The following SYT1 variants were observed in gnomAD, a reference collection of about 807,000 sequenced individuals.
SYT1 encodes the protein synaptotagmin-1.
A neutral mutation model predicts 44.8 loss-of-function variants in SYT1; 8 were observed. The ratio of observed to expected loss-of-function variants is 0.18; its 90% CI spans 0.10 to 0.32. The LOEUF (loss-of-function observed/expected upper bound fraction) is 0.32. SYT1 is among the 10% of genes least tolerant of loss of function. The pLI, the probability that SYT1 is intolerant of heterozygous loss-of-function variation, is 1.00. For missense variants in SYT1, 286 were observed against 509.3 expected, an observed-to-expected ratio of 0.56 and a Z score of 4.22; for synonymous variants, 154 against 188.8, an observed-to-expected ratio of 0.82 and a Z score of 1.51.
In SYT1 at chr12:79,446,015, A is replaced by ATATATATG. The variant is rs1870702728; in HGVS notation, c.1062+1816_1062+1817insGTATATAT. Among the ~76,000 whole-genome samples the ATATATATG allele has an allele frequency of 3.4e-4, 39 of 113,584 alleles. 2 individuals are homozygous for ATATATATG. Among genetic ancestry groups the ATATATATG allele is most frequent in the Admixed American group, 6.5e-4 (7 of 10,732 alleles). The allele number at this position is 113,584 out of a possible 152,430, so 74.5% of individuals were successfully genotyped here. On this transcript the variant is annotated intron_variant, in intron 10 of 10. Coordinates refer to ENST00000261205, the MANE Select transcript of SYT1 (RefSeq NM_005639.3). Reference sequence around the variant, plus strand: ...CATATATATATATATATATATATATATATATATATATATATATATTATGCC... The same window carrying ATATATATG: ...CATATATATATATATATATATATATATATATATGTATATATATATATATATATTATGCC...
At chr12:78,939,728 A>T (rs938562434) in intron 1 of SYT1, among the ~76,000 whole-genome samples, 1 of 152,180 alleles carries the variant, frequency 6.6e-6, no homozygotes, top group East Asian at 1.9e-4. Flanking sequence ...CCAGTGTTCA[A>T]AAAGAGATTA....
At chr12:79,172,730 G>A (rs1369942896) in intron 3 of SYT1, among the ~76,000 whole-genome samples, 1 of 151,484 alleles carries the variant, frequency 6.6e-6, no homozygotes, top group Non-Finnish European at 1.5e-5. Context: ...TTTTGATTAT[G>A]AAACTTCTAT....
At chr12:78,950,275 T>A (rs951549187) in intron 1 of SYT1, among the ~76,000 whole-genome samples, 5 of 152,080 alleles carry the variant, frequency 3.3e-5, no homozygotes, top group Admixed American at 6.6e-5. Flanking sequence ...GTCACTACAG[T>A]GTTTAATTAA....
At chr12:78,973,160 C>CA (rs1398545554) in intron 1 of SYT1, among the ~76,000 whole-genome samples, 1 of 152,104 alleles carries the variant, frequency 6.6e-6, no homozygotes, top group Non-Finnish European at 1.5e-5. Context: ...TATGTATTTA[C>CA]ATGCACAACA....
intron 2 of SYT1, among the ~76,000 whole-genome samples, chr12:79,004,243 A>T (rs1870934103): frequency 6.6e-6 from 1 of 151,966 alleles, no homozygotes; most frequent in Admixed American, 6.6e-5. Context: ...CTATATTATT[A>T]TTAAAAACAA....
At chr12:79,122,559 GA>G (rs1259020307) in intron 3 of SYT1, among the ~76,000 whole-genome samples, 1 of 139,038 alleles carries the variant, frequency 7.2e-6, no homozygotes, top group Non-Finnish European at 1.6e-5. Flanking sequence ...AAATGCACAT[GA>G]ACATTTAACT....
chr12:78,978,077 A>C (rs538554989), intron 2 of SYT1, 146 bp downstream of exon 2: 2 of 152,336 alleles, frequency 1.3e-5, no homozygotes, highest in African/African-American at 4.8e-5. Flanking sequence ...CTCTTTAAAA[A>C]TTCTTGTGAT....
intron 3 of SYT1, among the ~76,000 whole-genome samples, chr12:79,109,281 A>G (rs1483847597): frequency 6.6e-6 from 1 of 152,190 alleles, no homozygotes; most frequent in African/African-American, 2.4e-5. Context: ...GAACTTTATC[A>G]TATGCCGGAT....
intron 1 of SYT1, among the ~76,000 whole-genome samples, chr12:78,931,921 A>G (rs1190700302): frequency 6.6e-6 from 1 of 152,190 alleles, no homozygotes; most frequent in Admixed American, 6.5e-5. Flanking sequence ...CCATCTATAT[A>G]TGAATAGTTA....
At chr12:79,159,491 G>A (rs1870814233) in intron 3 of SYT1, among the ~76,000 whole-genome samples, 1 of 152,100 alleles carries the variant, frequency 6.6e-6, no homozygotes, top group South Asian at 2.1e-4. Context: ...CAGAGAGATA[G>A]ACCATGTTCA....
At chr12:79,334,853 G>T (rs1254691499) in intron 8 of SYT1, among the ~76,000 whole-genome samples, 1 of 152,084 alleles carries the variant, frequency 6.6e-6, no homozygotes, top group Non-Finnish European at 1.5e-5. Flanking sequence ...AAGAGGTCAG[G>T]TTATGTTTAA....
chr12:79,146,868 TC>T (rs1309087860), intron 3 of SYT1, among the ~76,000 whole-genome samples: 1 of 151,862 alleles, frequency 6.6e-6, no homozygotes, highest in Non-Finnish European at 1.5e-5. Context: ...TGAGATGGAG[TC>T]TCACTCTGTC....
At chr12:79,403,052 A>G (rs768686039) in intron 9 of SYT1, among the ~76,000 whole-genome samples, 3 of 152,248 alleles carry the variant, frequency 2.0e-5, no homozygotes, top group Non-Finnish European at 2.9e-5. Context: ...TATCTAATAC[A>G]TCTGAATAAA....
intron 1 of SYT1, among the ~76,000 whole-genome samples, chr12:78,972,066 G>T (rs61928066): frequency 0.072 from 10,925 of 152,056 alleles, 435 homozygotes; most frequent in African/African-American, 0.1. Flanking sequence ...AATACAATTT[G>T]TAATCATTTA....
intron 1 of SYT1, among the ~76,000 whole-genome samples, chr12:78,875,374 A>G (rs1430536180): frequency 6.6e-6 from 1 of 151,586 alleles, no homozygotes; most frequent in Non-Finnish European, 1.5e-5. Flanking sequence ...ACAACAAAAC[A>G]TTGCTATGGT....
At chr12:79,187,439 T>G (rs1409784701) in intron 3 of SYT1, among the ~76,000 whole-genome samples, 1 of 152,106 alleles carries the variant, frequency 6.6e-6, no homozygotes, top group Non-Finnish European at 1.5e-5. Context: ...TCTTTAGTTT[T>G]TATGTCTATC....
intron 3 of SYT1, among the ~76,000 whole-genome samples, chr12:79,092,547 A>C (rs549792938): frequency 2.4e-4 from 36 of 150,234 alleles, no homozygotes; most frequent in African/African-American, 8.5e-4. Context: ...TGAAAGAATA[A>C]GCCATGTGCC....
chr12:79,303,454 G>C (rs909198298), intron 8 of SYT1, among the ~76,000 whole-genome samples: 1 of 151,494 alleles, frequency 6.6e-6, no homozygotes, highest in East Asian at 1.9e-4. Flanking sequence ...CTCATGACTT[G>C]AGCAGTACTG....
At chr12:79,020,077 A>G (rs1260682207) in intron 2 of SYT1, among the ~76,000 whole-genome samples, 1 of 152,000 alleles carries the variant, frequency 6.6e-6, no homozygotes, top group Non-Finnish European at 1.5e-5. Flanking sequence ...AATTATTTGG[A>G]AGACTCCTGT....
Sources: allele counts gnomAD v4.1 joint callset (sites outside exome capture counted in the v4.1 genomes callset), GRCh38; gene constraint gnomAD v4.1.1; transcripts MANE v1.5; gene names NCBI Gene and HGNC (gene_info 2026-07-23, HGNC 2026-07-21).